The following LAMA2 variants were observed in gnomAD, a reference collection of about 807,000 sequenced individuals.
LAMA2 encodes the protein laminin subunit alpha 2.
LAMA2 carries 269 observed loss-of-function variants against 364.8 expected under a neutral mutation model. The ratio of observed to expected loss-of-function variants is 0.74; its 90% confidence interval spans 0.67 to 0.82. The LOEUF (loss-of-function observed/expected upper bound fraction) is 0.82, where lower values mean the gene tolerates loss of function less well. Among genes scored for constraint, LAMA2 ranks in the 40% least tolerant of loss-of-function variants. The pLI is 0.00. For missense variants in LAMA2, 3,807 were observed against 3,873.2 expected (o/e 0.98, Z 0.45); for synonymous variants, 1,379 against 1,370.6 (o/e 1.01, Z -0.14).
At chr6:129,291,783 G>A in intron 20 of LAMA2, 63 bp downstream of exon 20, 1 of 1,076,422 alleles carries the variant, frequency 9.3e-7, no homozygotes, top group Non-Finnish European at 1.4e-6. Flanking sequence ...GGCTTTTCAT[G>A]ACATGTTTTG....
chr6:129,387,139 CTTT>C (rs991212071), intron 35 of LAMA2, among the ~76,000 whole-genome samples: 1 of 150,764 alleles, frequency 6.6e-6, no homozygotes, highest in South Asian at 2.1e-4. Flanking sequence ...TGATGTTTTT[CTTT>C]TTTTTATTCT....
intron 41 of LAMA2, among the ~76,000 whole-genome samples, chr6:129,429,517 A>G (rs887853809): frequency 2.6e-5 from 4 of 152,208 alleles, no homozygotes; most frequent in African/African-American, 4.8e-5. Context: ...TACAAGTTCT[A>G]TCTCGATTAT....
chr6:129,097,945 G>C (rs185260334), intron 3 of LAMA2, among the ~76,000 whole-genome samples: 117 of 152,242 alleles, frequency 7.7e-4, no homozygotes, highest in African/African-American at 2.7e-3. Context: ...CTAAAATCCA[G>C]TCTTAATCCA....
In LAMA2 at chr6:129,291,654, C is replaced by T; in HGVS notation, c.2790C>T (p.Cys930=). ...CCGGTGGCTCTTTCTCTGAGGTTTG[C>T]CACAGTCAAACTGGACAGTGTGAGT... ...CNAGGSFSEV[C]HSQTGQCECR... The change falls in exon 20 of 65, where the codon TGC becomes TGT. Residue 930 remains cysteine, a synonymous_variant. Coordinates refer to ENST00000421865, the MANE Select transcript of LAMA2 (RefSeq NM_000426.4). The T allele has an allele frequency of 3.7e-6, 6 of 1,614,072 alleles. No individual in the cohort carries two copies. The highest frequency in any genetic ancestry group is 4.2e-6 in the Non-Finnish European group (5 of 1,179,968).
At chr6:129,113,585 A>G (rs1776288129) in intron 4 of LAMA2, among the ~76,000 whole-genome samples, 2 of 152,068 alleles carry the variant, frequency 1.3e-5, no homozygotes, top group South Asian at 4.1e-4. Context: ...CCATTTAAAT[A>G]TAGGCAAAAC....
intron 46 of LAMA2, among the ~76,000 whole-genome samples, chr6:129,453,935 G>A (rs1298865357): frequency 7.7e-6 from 1 of 130,376 alleles, no homozygotes; most frequent in Non-Finnish European, 1.6e-5. Flanking sequence ...ACATGCCTGA[G>A]CATTATGGAC....
chr6:129,195,822 GAAACAGTTTGGGAATTTCAGAGTTGGGA>G (rs1450214709), intron 12 of LAMA2, among the ~76,000 whole-genome samples: 2 of 152,196 alleles, frequency 1.3e-5, no homozygotes, highest in Admixed American at 1.3e-4. Flanking sequence ...CAGCTATTCA[GAAACAGTTTGGGAATTTCAGAGTTGGGA>G]TAATTTACTG....
rs1428825482 is a variant in LAMA2, at chr6:129,166,532, G to C, written c.1306+857G>C. On this transcript the variant is annotated intron_variant, in intron 9 of 64. Transcript: ENST00000421865. ...GAGCATTACATGTAGACTAAATTTT[G>C]AAATATTAAAAAACGGATACGTTTT... Among the ~76,000 whole-genome samples the C allele has an allele frequency of 6.6e-5, 10 of 152,064 alleles. No individual in the cohort carries two copies. The South Asian group carries it at 1.0e-3, about 16-fold the overall frequency.
At chr6:129,330,892 G>C (rs1163601984) in intron 29 of LAMA2, among the ~76,000 whole-genome samples, 2 of 150,142 alleles carry the variant, frequency 1.3e-5, no homozygotes, top group African/African-American at 4.9e-5. Flanking sequence ...TTTTTGAGAC[G>C]GAGTCTTGCT....
chr6:129,195,042 G>T (rs990729841), intron 12 of LAMA2, among the ~76,000 whole-genome samples: 2 of 152,136 alleles, frequency 1.3e-5, no homozygotes, highest in African/African-American at 2.4e-5. Context: ...CTTAAATATT[G>T]AATTTTATTT....
Position 129,410,947 on chromosome 6 carries a change from G to T in LAMA2, c.5865+6988G>T, listed in dbSNP as rs114827848. Among the ~76,000 whole-genome samples the T allele has an allele frequency of 2.7e-3, 415 of 152,242 alleles. 3 individuals carry two copies. Among genetic ancestry groups the T allele is most frequent in the African/African-American group, 9.6e-3 (400 of 41,540 alleles). On this transcript the variant is annotated intron_variant, in intron 40 of 64. Coordinates refer to ENST00000421865, the MANE Select transcript of LAMA2 (RefSeq NM_000426.4). ...AGTTCAAGAACTAGAGAGAAAATGA[G>T]ATGAGATGTCCCAGCTCAATCTGTA...
chr6:129,074,313 T>C (rs1773496010), intron 3 of LAMA2, among the ~76,000 whole-genome samples: 1 of 152,264 alleles, frequency 6.6e-6, no homozygotes, highest in African/African-American at 2.4e-5. Context: ...GTGAAGAATG[T>C]AGGTCTCATT....
intron 40 of LAMA2, among the ~76,000 whole-genome samples, chr6:129,426,038 A>G (rs1216901612): frequency 6.6e-6 from 1 of 152,156 alleles, no homozygotes; most frequent in Non-Finnish European, 1.5e-5. Flanking sequence ...ATCTAGTACT[A>G]TAAATGGCCT....
chr6:128,958,571 CTCA>C (rs1194221186), intron 1 of LAMA2, among the ~76,000 whole-genome samples: 1 of 152,088 alleles, frequency 6.6e-6, no homozygotes, highest in African/African-American at 2.4e-5. Flanking sequence ...CACCTTCACC[CTCA>C]TCATCATCCT....
intron 3 of LAMA2, among the ~76,000 whole-genome samples, chr6:129,067,951 A>C (rs1773044965): frequency 1.3e-5 from 2 of 152,070 alleles, no homozygotes; most frequent in Admixed American, 1.3e-4. Context: ...TTCCTGCTTT[A>C]TTTTTCTCCA....
At chr6:129,132,193 G>A (rs1416730487) in intron 4 of LAMA2, among the ~76,000 whole-genome samples, 3 of 147,314 alleles carry the variant, frequency 2.0e-5, no homozygotes, top group East Asian at 2.0e-4. Flanking sequence ...TTGAGACAGA[G>A]TCTCGCTCTG....
intron 35 of LAMA2, among the ~76,000 whole-genome samples, chr6:129,384,991 A>G (rs1433704666): frequency 1.4e-5 from 2 of 138,080 alleles, no homozygotes; most frequent in Non-Finnish European, 3.1e-5. Context: ...GCAACACTAA[A>G]TGTTCATTGA....
intron 20 of LAMA2, among the ~76,000 whole-genome samples, chr6:129,293,932 AT>A (rs761330041): frequency 2.6e-5 from 4 of 152,216 alleles, no homozygotes; most frequent in Admixed American, 6.5e-5. Context: ...CTAGCTATAA[AT>A]TCCTTGAATC....
intron 1 of LAMA2, among the ~76,000 whole-genome samples, chr6:128,970,958 A>AG (rs1236004111): frequency 6.6e-6 from 1 of 152,114 alleles, no homozygotes; most frequent in East Asian, 1.9e-4. Flanking sequence ...TGGTAGCCAT[A>AG]GGGGAAGATA....
Sources: allele counts gnomAD v4.1 joint callset (sites outside exome capture counted in the v4.1 genomes callset), GRCh38; gene constraint gnomAD v4.1.1; transcripts MANE v1.5; gene names NCBI Gene and HGNC (gene_info 2026-07-23, HGNC 2026-07-21).